GHRL: variants seen among roughly 807,000 people sequenced by gnomAD.
GHRL encodes the protein ghrelin and obestatin prepropeptide, also known as appetite-regulating hormone.
A neutral mutation model predicts 16.9 loss-of-function variants in GHRL; 24 were observed. That is an observed-to-expected ratio of 1.42 (90% CI 1.03 to 2.00). GHRL has a LOEUF of 2.00. Ranked by LOEUF, GHRL falls within the 30% of genes most tolerant of loss-of-function variation. GHRL has a pLI of 0.00. For synonymous variants in GHRL, 63 were observed against 58.2 expected (o/e 1.08, Z -0.37); for missense variants, 193 against 142.1 (o/e 1.36, Z -1.82).
intron 2 of GHRL, among the ~76,000 whole-genome samples, 165 bp downstream of exon 2, chr3:10,290,551 G>A (rs1426898942): frequency 6.6e-6 from 1 of 152,146 alleles, no homozygotes; most frequent in Non-Finnish European, 1.5e-5. Flanking sequence ...AGCAGGGAGG[G>A]GGTTAGAGGT....
At chr3:10,290,274 T>TAGG in intron 2 of GHRL, 65 bp from the exon 3 acceptor site, 1 of 1,490,352 alleles carries the variant, frequency 6.7e-7, no homozygotes, top group Non-Finnish European at 9.1e-7. Context: ...CTTGCTCAGG[T>TAGG]AGGAGCCCAG....
In GHRL at chr3:10,290,826, G is replaced by C; in HGVS notation, c.-140C>G. ...TCCCAGAGGTGGCCTAGCTTCCGTG[G>C]GGCTGATGTACATTCCTTGGGAACT... On this transcript the variant is annotated 5_prime_UTR_variant, in exon 2 of 6. Transcript: ENST00000335542. The C allele has an allele frequency of 1.0e-6, 1 of 986,940 alleles. No individual in the cohort carries two copies. The highest frequency in any genetic ancestry group is 1.2e-6 in the Non-Finnish European group (1 of 830,962). The allele number at this position is 986,940 out of a possible 1,614,324, so 61.1% of individuals were successfully genotyped here. A position where few individuals can be genotyped will look rare whatever the true frequency, so the allele number is the denominator to read the frequency against.
chr3:10,292,890 A>C lies in GHRL; in HGVS notation c.-814T>G. ...GCACAGCTGCCAATGTTGATCTTAG[A>C]TAAGACCACCAGCAAGTAAACATCC... On this transcript the variant is annotated 5_prime_UTR_variant, in exon 1 of 6. It introduces an in-frame stop codon into an upstream open reading frame of the 5' UTR. Transcript: ENST00000335542. 6.5e-7 allele frequency: 1 copy of C among 1,549,194 alleles called. No homozygotes were observed. Among genetic ancestry groups the C allele is most frequent in the Non-Finnish European group, 8.7e-7 (1 of 1,145,494 alleles).
rs953357672 is a variant in GHRL, at chr3:10,292,763, A to C, written c.-766+79T>G. On this transcript the variant is annotated intron_variant, in intron 1 of 5. Coordinates refer to ENST00000335542, the MANE Select transcript of GHRL (RefSeq NM_016362.5). ...GCAGCTTTTTCAGAGCCACCAACCC[A>C]TAAAAAAAAAAATCCCCAAACAGAA... The C allele has an allele frequency of 6.2e-5, 52 of 839,070 alleles. 1 individual carries two copies. In the African/African-American group the frequency reaches 9.1e-4, roughly 15 times the overall value. The allele number at this position is 839,070 out of a possible 1,614,324, so 52.0% of individuals were successfully genotyped here.
intron 4 of GHRL, 154 bp from the exon 5 acceptor site, chr3:10,286,966 G>A (rs1184716245): frequency 3.5e-6 from 2 of 576,258 alleles, no homozygotes; most frequent in African/African-American, 1.9e-5. Context: ...ACCTCAGCCA[G>A]GTTCTCTTCC....
chr3:10,290,323 T>TCTACACA, intron 2 of GHRL, 114 bp from the exon 3 acceptor site: 3 of 1,027,502 alleles, frequency 2.9e-6, no homozygotes, highest in Non-Finnish European at 4.2e-6. Flanking sequence ...GGGTCCTGAC[T>TCTACACA]GCTGTGTAGA....
Position 10,288,869 on chromosome 3 carries a change from T to C in GHRL, c.225+893A>G, listed in dbSNP as rs139564325. ...TGGGGACTGGAGTCAGCCCTGACCT[T>C]GTGTCGCGTCCCTTCCACACACCGC... On this transcript the variant is annotated intron_variant, in intron 4 of 5. Coordinates refer to ENST00000335542, the MANE Select transcript of GHRL (RefSeq NM_016362.5). 1.3e-3 allele frequency among the ~76,000 whole-genome samples: 192 copies of C among 152,312 alleles called. 1 individual carries two copies. The highest frequency in any genetic ancestry group is 2.3e-3 in the Non-Finnish European group (155 of 68,020).
intron 1 of GHRL, 90 bp downstream of exon 1, chr3:10,292,752 G>T: frequency 1.3e-6 from 1 of 757,124 alleles, no homozygotes; most frequent in Non-Finnish European, 2.2e-6. Context: ...CTTTTTCAGA[G>T]CCACCAACCC....
chr3:10,288,496 T>C (rs1699433712), intron 4 of GHRL, among the ~76,000 whole-genome samples: 1 of 152,322 alleles, frequency 6.6e-6, no homozygotes, highest in Non-Finnish European at 1.5e-5. Flanking sequence ...CTTTCTCATC[T>C]GGGTACTGGG....
Position 10,287,913 on chromosome 3 carries a change from A to ATTTTTTTTTTT in GHRL, c.226-1102_226-1101insAAAAAAAAAAA, listed in dbSNP as rs1576049089. 6 of 87,950 alleles carry ATTTTTTTTTTT rather than the reference A, an allele frequency of 6.8e-5. 2 individuals carry two copies. The highest frequency in any genetic ancestry group is 2.7e-5 in the Non-Finnish European group (1 of 37,208). 5.4% of individuals were successfully genotyped at this position (87,950 alleles called of 1,614,324 possible). Reference sequence around the variant, plus strand: ...GACCCAGTGGGGAATGACATGATTGAATTTTTTTTTTTTTTTTTTTTTTTT... The same window carrying ATTTTTTTTTTT: ...GACCCAGTGGGGAATGACATGATTGATTTTTTTTTTTATTTTTTTTTTTTTTTTTTTTTTTT... On this transcript the variant is annotated intron_variant, in intron 4 of 5. Coordinates refer to ENST00000335542, the MANE Select transcript of GHRL (RefSeq NM_016362.5).
At chr3:10,285,957 C>G in intron 5 of GHRL, 63 bp from the exon 6 acceptor site, 1 of 1,467,388 alleles carries the variant, frequency 6.8e-7, no homozygotes, top group Admixed American at 1.7e-5. Flanking sequence ...TTTTCTTCCA[C>G]GGTGGTGAGA....
chr3:10,289,727 C>A (rs1389500482), intron 4 of GHRL, 35 bp downstream of exon 4: 1 of 1,341,434 alleles, frequency 7.5e-7, no homozygotes, highest in Non-Finnish European at 1.1e-6. Context: ...ACCCTCCTCG[C>A]TGCCACAGAA....
At chr3:10,286,581 G>A (rs1231559599) in intron 5 of GHRL, 123 bp downstream of exon 5, 2 of 611,620 alleles carry the variant, frequency 3.3e-6, no homozygotes, top group Non-Finnish European at 6.0e-6. Context: ...GCAGATCTTT[G>A]GGAAAGGGAA....
rs549538472 is a variant in GHRL, at chr3:10,291,423, G to A, written c.-737C>T. Reference sequence around the variant, plus strand: ...AGCTTTGGTCCCTATTTTAGCGGATGCCTCTTCTGAGAGGGAAGTGCATTG... The same window carrying A: ...AGCTTTGGTCCCTATTTTAGCGGATACCTCTTCTGAGAGGGAAGTGCATTG... On this transcript the variant is annotated 5_prime_UTR_variant, in exon 2 of 6. Transcript: ENST00000335542. 30 of 985,514 alleles carry A rather than the reference G, an allele frequency of 3.0e-5. No individual in the cohort carries two copies. In the African/African-American group the frequency reaches 5.2e-4, roughly 17 times the overall value. The allele number at this position is 985,514 out of a possible 1,614,324, so 61.0% of individuals were successfully genotyped here.
intron 2 of GHRL, 39 bp from the exon 3 acceptor site, chr3:10,290,248 C>G (rs180917811): frequency 6.4e-7 from 1 of 1,556,484 alleles, no homozygotes; most frequent in Non-Finnish European, 8.7e-7. Context: ...GCCTCCCCTT[C>G]TCATGTGCCT....
chr3:10,291,611 CA>C (rs1333509806), intron 1 of GHRL, among the ~76,000 whole-genome samples, 160 bp from the exon 2 acceptor site: 1 of 152,200 alleles, frequency 6.6e-6, no homozygotes, highest in East Asian at 1.9e-4. Flanking sequence ...CTGCAGATGA[CA>C]ATGGTTTCAT....
At position 10,289,822 on chromosome 3, in the gene GHRL, G is replaced by A. The variant is rs754796527; in HGVS notation, c.165C>T (p.Gly55=). The A allele has an allele frequency of 6.2e-7, 1 of 1,613,878 alleles. No homozygotes were observed. Among genetic ancestry groups the A allele is most frequent in the East Asian group, 2.2e-5 (1 of 44,870 alleles). ...GACCTCCATCTTCCGGGCGGAGCCA[G>A]CCTGCTAGAGCTCGGGGCTGCAGCT... The part of the protein sequence containing the change: ...PAKLQPRALA[G]WLRPEDGGQA... Residue 55 remains glycine (G), a synonymous_variant, in exon 4 of 6, where the codon GGC becomes GGT. Coordinates refer to ENST00000335542, the MANE Select transcript of GHRL (RefSeq NM_016362.5).
At chr3:10,286,194 C>T (rs1298661930) in intron 5 of GHRL, among the ~76,000 whole-genome samples, 3 of 152,190 alleles carry the variant, frequency 2.0e-5, no homozygotes, top group Non-Finnish European at 4.4e-5. Context: ...GTGTTTCTGC[C>T]ACCTCAATCA....
chr3:10,289,960 G>C (rs1007543943), intron 3 of GHRL, 82 bp from the exon 4 acceptor site: 2 of 1,501,784 alleles, frequency 1.3e-6, no homozygotes, highest in Non-Finnish European at 9.2e-7. Context: ...AGAGTCCTTT[G>C]TGCTCTGGGA....
Sources: gnomAD v4.1 joint callset for allele counts (sites outside exome capture counted in the v4.1 genomes callset) on GRCh38, gnomAD v4.1.1 for gene constraint, MANE v1.5 for transcripts, NCBI Gene and HGNC (gene_info 2026-07-23, HGNC 2026-07-21) for gene names.